The following C1orf105 variants were observed in gnomAD, a reference collection of about 807,000 sequenced individuals.
C1orf105 encodes the protein uncharacterized protein C1orf105.
A neutral mutation model predicts 20.8 loss-of-function variants in C1orf105; 17 were observed. The observed-to-expected ratio is 0.82, with a 90% CI of 0.56 to 1.23. The LOEUF (loss-of-function observed/expected upper bound fraction) is 1.23, where lower values mean the gene tolerates loss of function less well. Among genes scored for constraint, C1orf105 ranks in the 50% most tolerant of loss-of-function variants. The pLI, the probability that C1orf105 is intolerant of heterozygous loss-of-function variation, is 0.00. For missense variants in C1orf105, 219 were observed against 213.5 expected (o/e 1.03, Z -0.16); for synonymous variants, 72 against 72.1 (o/e 1.00, Z 0.01).
At chr1:172,468,391 T>C in intron 6 of C1orf105, 58 bp from the exon 7 acceptor site, 5 of 1,366,922 alleles carry the variant, frequency 3.7e-6, no homozygotes, top group Non-Finnish European at 4.9e-6. Flanking sequence ...TTTGAGCTTC[T>C]TTAAGAATAG....
Position 172,435,152 on chromosome 1 carries a change from G to A in C1orf105, c.22-9921G>A, listed in dbSNP as rs1328355604. Among the ~76,000 whole-genome samples, 5 of 152,114 alleles carry A rather than the reference G, an allele frequency of 3.3e-5. No homozygotes were observed. The East Asian group carries it at 9.6e-4, about 29-fold the overall frequency. On this transcript the variant is annotated intron_variant, in intron 1 of 6. Transcript: ENST00000367727. Reference sequence around the variant, plus strand: ...TCCAGGACCAGATGGATTCACAGCCGAATTCTACCAGAGGTAAAAAGAGGA... The same window carrying A: ...TCCAGGACCAGATGGATTCACAGCCAAATTCTACCAGAGGTAAAAAGAGGA...
rs552586850 is a variant in C1orf105 at position 172,456,416 on chromosome 1, C to A, written c.200C>A (p.Ala67Asp). The change falls in exon 4 of 7, where the codon GCC (alanine) becomes GAC (aspartate). Residue 67 changes from alanine to aspartate, a missense_variant and splice_region_variant. By Grantham distance (126) the Ala-to-Asp change is moderately radical. Coordinates refer to ENST00000367727, the MANE Select transcript of C1orf105 (RefSeq NM_139240.4). The part of the protein sequence containing the change: ...LFQVPDVLSK[A>D]RRNQCDSMLL... ...CTCTCTGTCTCTCTTTCCCCTCAGG[C>A]CAGGAGGAACCAGTGTGACTCCATG... 2.9e-5 allele frequency: 47 copies of A among 1,612,636 alleles called. No homozygotes were observed. The South Asian group carries it at 4.9e-4, about 17-fold the overall frequency.
In C1orf105 at chr1:172,462,246, G is replaced by A. The variant is rs41310899; in HGVS notation, c.341+1G>A. On this transcript the variant is annotated splice_donor_variant, in intron 5 of 6. Coordinates refer to ENST00000367727, the MANE Select transcript of C1orf105 (RefSeq NM_139240.4). LOFTEE classifies it high-confidence loss of function. ...CCTTTGAGAATTGTATGAGTTATAGGTAAGTCAACAATTTAAATCAGGACA... is the reference window on the plus strand; with the variant it reads ...CCTTTGAGAATTGTATGAGTTATAGATAAGTCAACAATTTAAATCAGGACA... 0.059 allele frequency: 93,645 copies of A among 1,593,704 alleles called. 3,156 individuals are homozygous for A. The highest frequency in any genetic ancestry group is 0.11 in the Middle Eastern group (685 of 6,014).
At chr1:172,432,362 G>T (rs1558125868) in intron 1 of C1orf105, among the ~76,000 whole-genome samples, 1 of 152,188 alleles carries the variant, frequency 6.6e-6, no homozygotes, top group Admixed American at 6.5e-5. Context: ...ACCTCATACA[G>T]GTGGGTGCCT....
At chr1:172,430,349 T>C (rs113575754) in intron 1 of C1orf105, 1 of 700,332 alleles carries the variant, frequency 1.4e-6, no homozygotes, top group African/African-American at 1.8e-5. Flanking sequence ...AGCCTCATCA[T>C]CCTTCTGATG....
intron 6 of C1orf105, among the ~76,000 whole-genome samples, chr1:172,466,573 TACACACACACACACACACACACACACAC>T (rs3980398): frequency 6.8e-6 from 1 of 147,190 alleles, no homozygotes; most frequent in Non-Finnish European, 1.5e-5. Flanking sequence ...ATGAATCACA[TACACACACACACACACACACACACACAC>T]ACACACACAC....
intron 3 of C1orf105, among the ~76,000 whole-genome samples, chr1:172,450,700 C>T (rs1648533186): frequency 6.6e-6 from 1 of 152,164 alleles, no homozygotes; most frequent in Admixed American, 6.5e-5. Flanking sequence ...CTTTAAACAC[C>T]CACTTACTCC....
At chr1:172,462,297 G>T in intron 5 of C1orf105, 52 bp downstream of exon 5, 1 of 1,334,014 alleles carries the variant, frequency 7.5e-7, no homozygotes, top group South Asian at 1.3e-5. Flanking sequence ...TATGTCTGAG[G>T]ACACAGGAGA....
chr1:172,455,041 G>A (rs74126241), intron 3 of C1orf105, among the ~76,000 whole-genome samples: 239 of 152,276 alleles, frequency 1.6e-3, no homozygotes, highest in African/African-American at 5.1e-3. Flanking sequence ...CACAATAGAT[G>A]TTTACTGTTG....
chr1:172,466,674 A>C (rs545253348), intron 6 of C1orf105, among the ~76,000 whole-genome samples: 2 of 152,142 alleles, frequency 1.3e-5, no homozygotes, highest in African/African-American at 4.8e-5. Context: ...TTGGTCCTAG[A>C]GAACAATGTA....
chr1:172,448,499 A>T lies in C1orf105; in HGVS notation c.166A>T (p.Ile56Phe). The change falls in exon 3 of 7, where the codon ATT (isoleucine) becomes TTT (phenylalanine). Residue 56 changes from isoleucine to phenylalanine, a missense_variant. Transcript: ENST00000367727. ...ATCCAAGAAGAATATGAATTTGCCA[A>T]TTTTGTTTCAAGTTCCAGATGTTTT... ...TSSKKNMNLP[I>F]LFQVPDVLSK... 1 of 1,613,496 alleles carries T rather than the reference A, an allele frequency of 6.2e-7. No individual in the cohort carries two copies. The highest frequency in any genetic ancestry group is 8.5e-7 in the Non-Finnish European group (1 of 1,179,440).
intron 2 of C1orf105, 149 bp downstream of exon 2, chr1:172,445,307 T>C (rs1647867440): frequency 2.9e-6 from 2 of 701,190 alleles, no homozygotes; most frequent in Non-Finnish European, 4.6e-6. Flanking sequence ...ATAATCCGGG[T>C]TTCTCAGAAA....
chr1:172,460,407 CTG>C (rs10573338), intron 4 of C1orf105, among the ~76,000 whole-genome samples: 37,828 of 151,804 alleles, frequency 0.25, 4,907 homozygotes, highest in South Asian at 0.41. Context: ...TTTATCTAGG[CTG>C]TGTTTCATCA....
At chr1:172,460,481 T>A (rs986129559) in intron 4 of C1orf105, among the ~76,000 whole-genome samples, 2 of 152,208 alleles carry the variant, frequency 1.3e-5, no homozygotes, top group African/African-American at 4.8e-5. Flanking sequence ...CCTTCTGTTA[T>A]CTGCATTACT....
Position 172,423,525 on chromosome 1 carries a change from G to A in C1orf105, c.21+2619G>A, listed in dbSNP as rs542589585. Among the ~76,000 whole-genome samples, 3 of 152,158 alleles carry A rather than the reference G, an allele frequency of 2.0e-5. No homozygotes were observed. In the South Asian group the frequency reaches 6.2e-4, roughly 31 times the overall value. ...AATACCTGGAAAACATTCCGAAGAAGGACAGGTACAAACAAGCCCAGACCA... is the reference window on the plus strand; with the variant it reads ...AATACCTGGAAAACATTCCGAAGAAAGACAGGTACAAACAAGCCCAGACCA... On this transcript the variant is annotated intron_variant, in intron 1 of 6. Transcript: ENST00000367727.
In C1orf105 at chr1:172,420,917, A is replaced by G. The variant is rs1002827841; in HGVS notation, c.21+11A>G. On this transcript the variant is annotated intron_variant, in intron 1 of 6. Transcript: ENST00000367727. ...AAAAGAGAACTAAAGGTAGGAAAAA[A>G]ATAAATGAAACTTCCAATTCTTTCC... The G allele has an allele frequency of 6.2e-7, 1 of 1,603,050 alleles. No individual in the cohort carries two copies. The highest frequency in any genetic ancestry group is 8.5e-7 in the Non-Finnish European group (1 of 1,170,546).
intron 3 of C1orf105, chr1:172,451,215 A>G (rs1648594962): frequency 6.6e-6 from 1 of 152,266 alleles, no homozygotes; most frequent in Admixed American, 6.5e-5. Context: ...CTCCTCAGTT[A>G]CTAATAGATT....
intron 2 of C1orf105, among the ~76,000 whole-genome samples, chr1:172,445,596 CTCCT>C (rs1297770108): frequency 3.3e-5 from 5 of 152,212 alleles, no homozygotes; most frequent in African/African-American, 1.2e-4. Flanking sequence ...GTTAGTCCTA[CTCCT>C]TCCAAACAAA....
chr1:172,465,510 C>T, intron 6 of C1orf105, 147 bp downstream of exon 6: 1 of 728,614 alleles, frequency 1.4e-6, no homozygotes, highest in Non-Finnish European at 2.4e-6. Flanking sequence ...TGTCTTTTGA[C>T]CTGCTGGAAT....
Sources: allele counts gnomAD v4.1 joint callset (sites outside exome capture counted in the v4.1 genomes callset), GRCh38; gene constraint gnomAD v4.1.1; transcripts MANE v1.5; gene names NCBI Gene and HGNC (gene_info 2026-07-23, HGNC 2026-07-21).